The following CACNA2D3 variants were observed in gnomAD, a reference collection of about 807,000 sequenced individuals.
The protein encoded by CACNA2D3 is voltage-dependent calcium channel subunit alpha-2/delta-3.
In CACNA2D3, 60 loss-of-function variants were observed where a neutral mutation model predicts 160.6. That is an observed-to-expected ratio of 0.37 (90% CI 0.30 to 0.46). The LOEUF is 0.46. CACNA2D3 is among the 20% of genes least tolerant of loss of function. The probability of loss-of-function intolerance (pLI) is 1.00; values close to 1 mark genes in which losing one functional copy is unlikely to be tolerated. For missense variants in CACNA2D3, 1,205 were observed against 1,365.0 expected, an observed-to-expected ratio of 0.88 and a Z score of 1.85; for synonymous variants, 558 against 492.9, an observed-to-expected ratio of 1.13 and a Z score of -1.75.
chr3:54,149,267 G>GCGCACACACACA (rs111927276), intron 2 of CACNA2D3, among the ~76,000 whole-genome samples: 113 of 144,440 alleles, frequency 7.8e-4, no homozygotes, highest in African/African-American at 2.7e-3. Flanking sequence ...GGTCCCATGT[G>GCGCACACACACA]CACACACACA....
At chr3:54,190,367 C>T (rs1700957675) in intron 2 of CACNA2D3, among the ~76,000 whole-genome samples, 1 of 152,168 alleles carries the variant, frequency 6.6e-6, no homozygotes, top group African/African-American at 2.4e-5. Flanking sequence ...ATCTGCTTTC[C>T]TCTGTAGAAG....
At chr3:54,212,645 C>T (rs1701396407) in intron 2 of CACNA2D3, among the ~76,000 whole-genome samples, 1 of 152,128 alleles carries the variant, frequency 6.6e-6, no homozygotes, top group Admixed American at 6.5e-5. Flanking sequence ...GTGTCCGACC[C>T]CCACTTCCTA....
rs1036630456 is a variant in CACNA2D3, at chr3:54,162,073, G to C, written c.204+38479G>C. ...AAGGCAAGAGATGGAATTTAGCCTC[G>C]GTCTGAAGGCGAGGACACTGGGCCA... On this transcript the variant is annotated intron_variant, in intron 2 of 37. Coordinates refer to ENST00000474759, the MANE Select transcript of CACNA2D3 (RefSeq NM_018398.3). 2.0e-5 allele frequency among the ~76,000 whole-genome samples: 3 copies of C among 152,264 alleles called. No individual in the cohort carries two copies. The South Asian group carries it at 6.2e-4, about 32-fold the overall frequency.
intron 2 of CACNA2D3, among the ~76,000 whole-genome samples, chr3:54,125,242 T>TACACACACACAC (rs59950857): frequency 0.036 from 5,335 of 147,972 alleles, 104 homozygotes; most frequent in Middle Eastern, 0.061. Flanking sequence ...TCTTTGAAGT[T>TACACACACACAC]ACACACACAC....
At chr3:54,955,453 GGAAAAAA>G (rs944730128) in intron 27 of CACNA2D3, among the ~76,000 whole-genome samples, 13 of 151,432 alleles carry the variant, frequency 8.6e-5, no homozygotes, top group South Asian at 4.2e-4. Flanking sequence ...CATTTCTTTT[GGAAAAAA>G]GAAAAAAGAA....
intron 5 of CACNA2D3, among the ~76,000 whole-genome samples, chr3:54,558,262 G>A (rs1016431327): frequency 7.2e-5 from 11 of 152,284 alleles, no homozygotes; most frequent in South Asian, 2.1e-4. Context: ...GTAGGGTTGC[G>A]TGACTTGGCA....
At chr3:54,465,085 A>G (rs145765661) in intron 4 of CACNA2D3, among the ~76,000 whole-genome samples, 213 of 151,374 alleles carry the variant, frequency 1.4e-3, no homozygotes, top group African/African-American at 4.1e-3. Context: ...GGTTATTTCA[A>G]AAGATCTGTC....
At chr3:54,361,957 A>T (rs1266655454) in intron 3 of CACNA2D3, among the ~76,000 whole-genome samples, 1 of 152,218 alleles carries the variant, frequency 6.6e-6, no homozygotes, top group Admixed American at 6.5e-5. Context: ...TGTGTGGGTT[A>T]TGAAGACTAA....
At chr3:54,888,287 G>A (rs375208906) in intron 24 of CACNA2D3, among the ~76,000 whole-genome samples, 3 of 152,168 alleles carry the variant, frequency 2.0e-5, no homozygotes, top group Non-Finnish European at 2.9e-5. Context: ...AATTTGGTAC[G>A]CTGAGGTAGG....
rs1195612543 is a variant in CACNA2D3 at position 54,822,779 on chromosome 3, TTTCTTTCTTTCCTTTC to T, written c.1398+5912_1398+5927del. 1.5e-4 allele frequency among the ~76,000 whole-genome samples: 13 copies of T among 88,024 alleles called. 1 individual carries two copies. In the South Asian group the frequency reaches 2.5e-3, roughly 17 times the overall value. The allele number at this position is 88,024 out of a possible 152,430, so 57.7% of individuals were successfully genotyped here. On this transcript the variant is annotated intron_variant, in intron 14 of 37. Transcript: ENST00000474759. ...CTTTCTTTCTTTCTTTCTTTCTTTC[TTTCTTTCTTTCCTTTC>T]TTTCTTTCTTTCTTTCTTTCTTTCT...
At chr3:55,064,008 T>A (rs895510636) in intron 35 of CACNA2D3, among the ~76,000 whole-genome samples, 2 of 152,244 alleles carry the variant, frequency 1.3e-5, no homozygotes, top group East Asian at 3.9e-4. Context: ...TGTTCATGAT[T>A]TTTTTATTTG....
Position 54,822,816 on chromosome 3 carries a change from TTTCTTTCTTTCTTTCTTTTCTTTCTTTC to T in CACNA2D3, c.1398+5949_1398+5976del, listed in dbSNP as rs1559595768. ...CTTTCTTTCTTTCTTTCTTTCTTTC[TTTCTTTCTTTCTTTCTTTTCTTTCTTTC>T]TTTCTTTCTTTCTTTCTTTTTAAAT... On this transcript the variant is annotated intron_variant, in intron 14 of 37. Transcript: ENST00000474759. Among the ~76,000 whole-genome samples the T allele has an allele frequency of 8.7e-4, 105 of 121,368 alleles. 3 individuals carry two copies. Among genetic ancestry groups the T allele is most frequent in the African/African-American group, 4.1e-3 (101 of 24,764 alleles). The allele number at this position is 121,368 out of a possible 152,430, so 79.6% of individuals were successfully genotyped here. A position where few individuals can be genotyped will look rare whatever the true frequency, so the allele number is the denominator to read the frequency against.
chr3:54,763,760 CAT>C (rs1491292187), intron 12 of CACNA2D3, among the ~76,000 whole-genome samples: 3 of 15,222 alleles, frequency 2.0e-4, no homozygotes, highest in African/African-American at 4.1e-4. Context: ...TATATATACA[CAT>C]ATATATGTAT....
intron 4 of CACNA2D3, among the ~76,000 whole-genome samples, chr3:54,471,369 T>G (rs6445669): frequency 6.6e-6 from 1 of 152,210 alleles, no homozygotes; most frequent in Non-Finnish European, 1.5e-5. Context: ...CAAAGACACA[T>G]CGTACCAGAA....
At chr3:54,903,616 C>G (rs1457986471) in intron 27 of CACNA2D3, among the ~76,000 whole-genome samples, 1 of 152,166 alleles carries the variant, frequency 6.6e-6, no homozygotes. Flanking sequence ...GTTTCCAGCT[C>G]TTTAAGGAAT....
chr3:54,896,218 C>G (rs1700184553), intron 25 of CACNA2D3, among the ~76,000 whole-genome samples: 1 of 152,118 alleles, frequency 6.6e-6, no homozygotes, highest in Non-Finnish European at 1.5e-5. Flanking sequence ...ATGAGCAGGC[C>G]TGTTTGTCCA....
At chr3:54,255,460 G>A (rs1383286650) in intron 2 of CACNA2D3, among the ~76,000 whole-genome samples, 2 of 152,162 alleles carry the variant, frequency 1.3e-5, no homozygotes, top group Admixed American at 6.5e-5. Flanking sequence ...CTTGAAGTAA[G>A]GTCCCAATTA....
At chr3:54,604,912 C>G (rs1158628087) in intron 9 of CACNA2D3, among the ~76,000 whole-genome samples, 1 of 152,166 alleles carries the variant, frequency 6.6e-6, no homozygotes, top group Admixed American at 6.5e-5. Context: ...TGATGAAGTA[C>G]CACAAAGTAG....
chr3:54,743,205 C>T (rs1701688259), intron 11 of CACNA2D3, among the ~76,000 whole-genome samples: 1 of 152,206 alleles, frequency 6.6e-6, no homozygotes, highest in African/African-American at 2.4e-5. Context: ...CCTCCTTCTG[C>T]TCTCACATCT....
Sources: allele counts gnomAD v4.1 joint callset (sites outside exome capture counted in the v4.1 genomes callset), GRCh38; gene constraint gnomAD v4.1.1; transcripts MANE v1.5; gene names NCBI Gene and HGNC (gene_info 2026-07-23, HGNC 2026-07-21).